CEP192: variants seen among roughly 807,000 people sequenced by gnomAD.
CEP192 encodes the protein centrosomal protein 192.
Under a neutral mutation model 271.8 loss-of-function variants are expected in CEP192, and 151 were observed. That is an observed-to-expected ratio of 0.56 (90% confidence interval 0.49 to 0.64). CEP192 has a LOEUF of 0.64. Among genes scored for constraint, CEP192 ranks in the 30% least tolerant of loss-of-function variants. The pLI, the probability that CEP192 is intolerant of heterozygous loss-of-function variation, is 0.00. For synonymous variants in CEP192, 995 were observed against 1,076.5 expected (o/e 0.92, Z 1.48); for missense variants, 2,910 against 3,020.5 (o/e 0.96, Z 0.86).
At chr18:13,037,374 T>A (rs762647929) in intron 12 of CEP192, 73 bp downstream of exon 12, 1 of 650,766 alleles carries the variant, frequency 1.5e-6, no homozygotes, top group Non-Finnish European at 2.7e-6. Context: ...ACAGTGTTCA[T>A]TTCTTTCTGA....
At chr18:13,121,659 C>T (rs954094174) in intron 44 of CEP192, among the ~76,000 whole-genome samples, 1 of 152,176 alleles carries the variant, frequency 6.6e-6, no homozygotes, top group African/African-American at 2.4e-5. Flanking sequence ...TATGTTTCTA[C>T]TTAGTCCCCA....
intron 32 of CEP192, chr18:13,088,739 T>A (rs952781974): frequency 5.5e-5 from 13 of 236,400 alleles, no homozygotes; most frequent in African/African-American, 2.9e-4. Flanking sequence ...ATTGTTTTGT[T>A]TTTAATTTGT....
chr18:13,059,898 G>A (rs1044035519), intron 21 of CEP192, among the ~76,000 whole-genome samples: 12 of 152,148 alleles, frequency 7.9e-5, no homozygotes, highest in African/African-American at 2.7e-4. Context: ...AATCTTCCCA[G>A]ATGATTACAA....
intron 30 of CEP192, among the ~76,000 whole-genome samples, chr18:13,079,145 T>C (rs781598026): frequency 5.8e-4 from 88 of 152,380 alleles, no homozygotes; most frequent in Non-Finnish European, 1.1e-3. Context: ...CCTTTGGGTA[T>C]ATACCCAGTA....
In CEP192 at chr18:13,026,037, A is replaced by G. The variant is rs140934145; in HGVS notation, c.1051-3626A>G. 3.2e-4 allele frequency among the ~76,000 whole-genome samples: 49 copies of G among 152,320 alleles called. No homozygotes were observed. The East Asian group carries it at 7.9e-3, about 25-fold the overall frequency. ...AATAACTTTTTAAAAAATTTCTTGC[A>G]AGGCAGGTCTGCTGGCAACAAATGC... On this transcript the variant is annotated intron_variant, in intron 9 of 44. Transcript: ENST00000506447.
intron 11 of CEP192, among the ~76,000 whole-genome samples, chr18:13,032,099 G>C (rs1484297062): frequency 6.6e-6 from 1 of 152,200 alleles, no homozygotes; most frequent in Non-Finnish European, 1.5e-5. Context: ...AGGACTCGTT[G>C]CTTGTGGAAC....
chr18:13,096,983 G>T (rs1006009962), intron 36 of CEP192, among the ~76,000 whole-genome samples: 1 of 152,104 alleles, frequency 6.6e-6, no homozygotes, highest in African/African-American at 2.4e-5. Flanking sequence ...TTATATCTGG[G>T]ATTAGCAACT....
At chr18:13,014,659 C>T (rs963173640) in intron 5 of CEP192, among the ~76,000 whole-genome samples, 7 of 152,084 alleles carry the variant, frequency 4.6e-5, no homozygotes, top group African/African-American at 1.7e-4. Flanking sequence ...CCTTGATGCC[C>T]CTGGTGCTTA....
chr18:13,116,496 C>A lies in CEP192; in HGVS notation c.7409C>A (p.Thr2470Lys). ...AATCTGCGAAATAATTCTTTTATTA[C>A]ACACTCAGTAAGTTGGAAATATTAC... ...KVNLRNNSFI[T>K]HSLKFLSPRE... The change falls in exon 43 of 45, where the codon ACA (threonine) becomes AAA (lysine). Residue 2470 changes from threonine (T) to lysine (K), a missense_variant. Coordinates refer to ENST00000506447, the MANE Select transcript of CEP192 (RefSeq NM_032142.4). 1 of 1,602,732 alleles carries A rather than the reference C, an allele frequency of 6.2e-7. No individual in the cohort carries two copies. The highest frequency in any genetic ancestry group is 8.5e-7 in the Non-Finnish European group (1 of 1,176,310).
At chr18:12,994,909 C>A (rs143045066) in intron 1 of CEP192, among the ~76,000 whole-genome samples, 1 of 152,182 alleles carries the variant, frequency 6.6e-6, no homozygotes, top group African/African-American at 2.4e-5. Context: ...AAGAGGATGT[C>A]AGATGAGTTG....
At chr18:13,095,293 C>T (rs188914911) in intron 34 of CEP192, among the ~76,000 whole-genome samples, 1 of 152,342 alleles carries the variant, frequency 6.6e-6, no homozygotes, top group East Asian at 1.9e-4. Context: ...TGATCCACCA[C>T]ACCCAGCCTG....
At position 13,011,444 on chromosome 18, in the gene CEP192, A is replaced by G. The variant is rs183919539; in HGVS notation, c.467-1529A>G. Reference sequence around the variant, plus strand: ...TCAAAATGTTAAATATTGTGTTACCATGTGACTCCGCATTTGCACTCCTAG... The same window carrying G: ...TCAAAATGTTAAATATTGTGTTACCGTGTGACTCCGCATTTGCACTCCTAG... On this transcript the variant is annotated intron_variant, in intron 4 of 44. Transcript: ENST00000506447. Among the ~76,000 whole-genome samples the G allele has an allele frequency of 2.4e-4, 37 of 152,282 alleles. No homozygotes were observed. In the East Asian group the frequency reaches 6.6e-3, roughly 27 times the overall value.
chr18:13,064,070 C>T (rs867999658), intron 21 of CEP192, among the ~76,000 whole-genome samples: 1 of 152,028 alleles, frequency 6.6e-6, no homozygotes, highest in Middle Eastern at 3.4e-3. Context: ...CCCTCCACCT[C>T]AGCCTCCCAA....
At chr18:13,013,602 T>G (rs1183840534) in intron 5 of CEP192, among the ~76,000 whole-genome samples, 1 of 152,200 alleles carries the variant, frequency 6.6e-6, no homozygotes, top group African/African-American at 2.4e-5. Flanking sequence ...CACTTCTGTG[T>G]GTGTGCTTGT....
chr18:13,046,829 C>CTTTTTTT (rs574030180), intron 15 of CEP192, among the ~76,000 whole-genome samples: 19 of 122,364 alleles, frequency 1.6e-4, no homozygotes, highest in East Asian at 9.7e-4. Flanking sequence ...AATATCCTTA[C>CTTTTTTT]TTTTTTTTTT....
chr18:13,087,946 G>A (rs1259681802), intron 32 of CEP192, among the ~76,000 whole-genome samples: 2 of 152,266 alleles, frequency 1.3e-5, no homozygotes, highest in East Asian at 1.9e-4. Context: ...TTTCCGTAAT[G>A]TACTCTTGAT....
chr18:12,999,311 A>G, intron 1 of CEP192, 110 bp from the exon 2 acceptor site: 1 of 875,134 alleles, frequency 1.1e-6, no homozygotes, highest in South Asian at 2.2e-5. Flanking sequence ...CTAATGCTAA[A>G]AAAAGGATTT....
At chr18:13,024,259 A>G in intron 9 of CEP192, 7 of 453,848 alleles carry the variant, frequency 1.5e-5, no homozygotes, top group South Asian at 9.4e-5. Context: ...CTTATCTCTG[A>G]TAACTTTCCC....
At chr18:13,036,432 C>G (rs1012249692) in intron 11 of CEP192, among the ~76,000 whole-genome samples, 3 of 152,244 alleles carry the variant, frequency 2.0e-5, no homozygotes, top group Admixed American at 2.0e-4. Flanking sequence ...TTCCCTCTGG[C>G]TCACCATTCA....
Sources: gnomAD v4.1 joint callset for allele counts (sites outside exome capture counted in the v4.1 genomes callset) on GRCh38, gnomAD v4.1.1 for gene constraint, MANE v1.5 for transcripts, NCBI Gene and HGNC (gene_info 2026-07-23, HGNC 2026-07-21) for gene names.